The following MINDY3 variants were observed in gnomAD, a reference collection of about 807,000 sequenced individuals.
The protein encoded by MINDY3 is ubiquitin carboxyl-terminal hydrolase MINDY-3.
In MINDY3, 38 loss-of-function variants were observed where a neutral mutation model predicts 69.2. The ratio of observed to expected loss-of-function variants is 0.55; its 90% CI spans 0.42 to 0.72. MINDY3 has a LOEUF of 0.72. Among genes scored for constraint, MINDY3 ranks in the 30% least tolerant of loss-of-function variants. The probability of loss-of-function intolerance (pLI) is 0.00; values close to 1 mark genes in which losing one functional copy is unlikely to be tolerated. For missense variants in MINDY3, 522 were observed against 519.0 expected (o/e 1.01, Z -0.06); for synonymous variants, 192 against 180.1 (o/e 1.07, Z -0.53).
chr10:15,841,479 G>A lies in MINDY3; in HGVS notation c.356C>T (p.Thr119Ile). Reference sequence around the variant, plus strand: ...TGCAGGACTCCCAGAAATACTAGCAGTTTCCTCAGTTGTCTTTCCTCTTAA... The same window carrying A: ...TGCAGGACTCCCAGAAATACTAGCAATTTCCTCAGTTGTCTTTCCTCTTAA... ...SWLRGKTTEE[T>I]ASISGSPAES... Residue 119 changes from threonine (T) to isoleucine (I), a missense_variant, in exon 4 of 15, where the codon ACT becomes ATT. Physicochemically the swap from Thr to Ile is moderately conservative, Grantham distance 89. Transcript: ENST00000277632. 1 of 1,611,904 alleles carries A rather than the reference G, an allele frequency of 6.2e-7. No individual in the cohort carries two copies. The highest frequency in any genetic ancestry group is 8.5e-7 in the Non-Finnish European group (1 of 1,178,534).
At chr10:15,858,515 T>C (rs1470024977) in intron 1 of MINDY3, among the ~76,000 whole-genome samples, 1 of 152,236 alleles carries the variant, frequency 6.6e-6, no homozygotes. Context: ...ATACGTCAGA[T>C]AGTGTGCTAA....
chr10:15,845,813 ATTTTTTTTTTT>A (rs891710697), intron 2 of MINDY3, among the ~76,000 whole-genome samples: 5 of 49,334 alleles, frequency 1.0e-4, no homozygotes, highest in South Asian at 7.5e-4. Context: ...GGCCTATGTG[ATTTTTTTTTTT>A]TTTTTTTTTT....
At chr10:15,810,559 A>G (rs1029648513) in intron 10 of MINDY3, among the ~76,000 whole-genome samples, 1 of 152,188 alleles carries the variant, frequency 6.6e-6, no homozygotes, top group East Asian at 1.9e-4. Flanking sequence ...AGCCATCTTA[A>G]GCACACCTCC....
chr10:15,823,316 G>C (rs2132011459), intron 8 of MINDY3, among the ~76,000 whole-genome samples: 1 of 152,248 alleles, frequency 6.6e-6, no homozygotes, highest in East Asian at 1.9e-4. Context: ...GACTACGTGA[G>C]ATCAACATGA....
chr10:15,784,614 G>A (rs1363026164), intron 13 of MINDY3, among the ~76,000 whole-genome samples: 1 of 152,118 alleles, frequency 6.6e-6, no homozygotes, highest in East Asian at 1.9e-4. Context: ...GCCACCATAT[G>A]TAGTCCCAGC....
intron 10 of MINDY3, among the ~76,000 whole-genome samples, chr10:15,796,590 A>AAAAT (rs1837856500): frequency 6.6e-6 from 1 of 152,038 alleles, no homozygotes; most frequent in South Asian, 2.1e-4. Flanking sequence ...CAAATATTCG[A>AAAAT]AAATAAAATC....
chr10:15,791,332 C>A (rs1837394019), intron 11 of MINDY3, among the ~76,000 whole-genome samples: 1 of 151,896 alleles, frequency 6.6e-6, no homozygotes. Context: ...GGTCATCTGA[C>A]ATTTCACCAA....
chr10:15,856,979 G>A (rs115538776), intron 1 of MINDY3, among the ~76,000 whole-genome samples: 1,992 of 152,156 alleles, frequency 0.013, 32 homozygotes, highest in African/African-American at 0.042. Flanking sequence ...AACACAGCAG[G>A]CAGATCAGTC....
intron 8 of MINDY3, among the ~76,000 whole-genome samples, chr10:15,826,093 T>G (rs960807529): frequency 3.3e-5 from 5 of 151,988 alleles, no homozygotes; most frequent in Non-Finnish European, 7.4e-5. Flanking sequence ...AAAGAAAACT[T>G]TAGCTCAACA....
At chr10:15,849,760 A>G (rs766377313) in intron 1 of MINDY3, among the ~76,000 whole-genome samples, 1 of 152,166 alleles carries the variant, frequency 6.6e-6, no homozygotes, top group Non-Finnish European at 1.5e-5. Context: ...AATCTCTTCC[A>G]GGAAGCATAT....
intron 9 of MINDY3, among the ~76,000 whole-genome samples, chr10:15,821,039 A>C (rs1270576643): frequency 6.6e-6 from 1 of 152,240 alleles, no homozygotes; most frequent in Admixed American, 6.5e-5. Context: ...TAATGGTTTA[A>C]ATTCCATTTA....
chr10:15,837,935 T>G, intron 5 of MINDY3: 2 of 943,364 alleles, frequency 2.1e-6, no homozygotes, highest in Non-Finnish European at 2.5e-6. Flanking sequence ...TTCATATTTG[T>G]TTAGGTCACA....
intron 10 of MINDY3, among the ~76,000 whole-genome samples, chr10:15,814,468 C>A (rs1716370781): frequency 1.3e-5 from 2 of 151,336 alleles, no homozygotes; most frequent in South Asian, 4.2e-4. Context: ...TTCCCCCCAC[C>A]CCTAGTGTGC....
chr10:15,786,592 C>T lies in MINDY3; in HGVS notation c.1085G>A (p.Gly362Asp). 1 of 1,591,034 alleles carries T rather than the reference C, an allele frequency of 6.3e-7. No homozygotes were observed. Among genetic ancestry groups the T allele is most frequent in the Non-Finnish European group, 8.6e-7 (1 of 1,160,488 alleles). Residue 362 changes from glycine (G) to aspartate (D), a missense_variant, in exon 13 of 15, where the codon GGC (glycine) becomes GAC (aspartate). Gly to Asp is a moderately conservative substitution (Grantham distance 94, BLOSUM62 -1). Coordinates refer to ENST00000277632, the MANE Select transcript of MINDY3 (RefSeq NM_024948.4). ...DPEGLGIILL[G>D]PFLQEFFPDQ... is the part of the protein sequence containing the mutation. Reference sequence around the variant, plus strand: ...AGGAAAAAATTCTTGAAGAAATGGGCCCAATAATATGATTCCTAATCCTTC... The same window carrying T: ...AGGAAAAAATTCTTGAAGAAATGGGTCCAATAATATGATTCCTAATCCTTC...
rs182828517 is a variant in MINDY3 at position 15,788,256 on chromosome 10, G to C, written c.1028+991C>G. On this transcript the variant is annotated intron_variant, in intron 12 of 14. Transcript: ENST00000277632. Reference sequence around the variant, plus strand: ...ATTTGTTGGACTAGTTCAACACTCTGAATTTCTCTTTAAATTGAAAACAAT... The same window carrying C: ...ATTTGTTGGACTAGTTCAACACTCTCAATTTCTCTTTAAATTGAAAACAAT... Among the ~76,000 whole-genome samples the C allele has an allele frequency of 3.2e-3, 488 of 152,088 alleles. 3 individuals are homozygous for C. Among genetic ancestry groups the C allele is most frequent in the East Asian group, 0.016 (83 of 5,158 alleles).
At chr10:15,788,279 AATT>A (rs1186941159) in intron 12 of MINDY3, among the ~76,000 whole-genome samples, 5 of 152,240 alleles carry the variant, frequency 3.3e-5, no homozygotes, top group East Asian at 3.9e-4. Flanking sequence ...AATTGAAAAC[AATT>A]ATTCATTTAT....
intron 8 of MINDY3, among the ~76,000 whole-genome samples, chr10:15,827,199 G>T (rs557393743): frequency 1.2e-3 from 101 of 81,052 alleles, no homozygotes; most frequent in Non-Finnish European, 1.6e-3. Context: ...AAAAAAAAAA[G>T]CCCAAATAGA....
chr10:15,840,723 C>G (rs552717006), intron 4 of MINDY3, among the ~76,000 whole-genome samples: 2 of 151,648 alleles, frequency 1.3e-5, no homozygotes, highest in East Asian at 3.9e-4. Context: ...AAAAGCAAAT[C>G]AGAAAAGCAA....
chr10:15,852,539 T>C (rs1443281865), intron 1 of MINDY3, among the ~76,000 whole-genome samples: 2 of 151,936 alleles, frequency 1.3e-5, no homozygotes, highest in African/African-American at 2.4e-5. Context: ...TGATAAACAT[T>C]AGAAGGATAA....
Sources: allele counts gnomAD v4.1 joint callset (sites outside exome capture counted in the v4.1 genomes callset), GRCh38; gene constraint gnomAD v4.1.1; transcripts MANE v1.5; gene names NCBI Gene and HGNC (gene_info 2026-07-23, HGNC 2026-07-21).